Variants in CTPS1 observed in about 807,000 individuals in gnomAD.
CTPS1 encodes the protein CTP synthetase 1.
A neutral mutation model predicts 80.5 loss-of-function variants in CTPS1; 25 were observed. That is an observed-to-expected ratio of 0.31 (90% CI 0.23 to 0.43). CTPS1 has a LOEUF of 0.43. Ranked by LOEUF, CTPS1 falls within the 20% of genes least tolerant of loss-of-function variation. The pLI is 1.00. For missense variants in CTPS1, 442 were observed against 725.7 expected (o/e 0.61, Z 4.49); for synonymous variants, 267 against 252.5 (o/e 1.06, Z -0.54).
At chr1:40,984,742 T>C in intron 2 of CTPS1, 79 bp from the exon 3 acceptor site, 4 of 1,103,358 alleles carry the variant, frequency 3.6e-6, no homozygotes, top group Non-Finnish European at 1.2e-6. Context: ...TGTTAATGAG[T>C]GTTTTATTTC....
intron 5 of CTPS1, among the ~76,000 whole-genome samples, chr1:40,988,956 T>C (rs899820784): frequency 6.6e-6 from 1 of 152,244 alleles, no homozygotes; most frequent in Non-Finnish European, 1.5e-5. Flanking sequence ...TTGTCTTTAC[T>C]ATATGGTGGA....
At chr1:40,981,444 G>A (rs1313976711) in intron 1 of CTPS1, among the ~76,000 whole-genome samples, 7 of 152,226 alleles carry the variant, frequency 4.6e-5, no homozygotes, top group African/African-American at 1.7e-4. Context: ...CTCGGTGGCA[G>A]AGGAATTTCT....
chr1:40,987,365 T>C lies in CTPS1; in HGVS notation c.338-7T>C. On this transcript the variant is annotated splice_polypyrimidine_tract_variant and splice_region_variant and intron_variant, in intron 3 of 18. Coordinates refer to ENST00000650070, the MANE Select transcript of CTPS1 (RefSeq NM_001905.4). Reference sequence around the variant, plus strand: ...CGTAAGTTCCCTGTTTGTTTTCTTTTTCCCAGTTGTCCCTCATATCACAGA... The same window carrying C: ...CGTAAGTTCCCTGTTTGTTTTCTTTCTCCCAGTTGTCCCTCATATCACAGA... 6.2e-7 allele frequency: 1 copy of C among 1,607,976 alleles called. No individual in the cohort carries two copies. The highest frequency in any genetic ancestry group is 8.5e-7 in the Non-Finnish European group (1 of 1,174,460).
chr1:40,982,003 TTTCTGCTAC>T (rs1558126471), intron 1 of CTPS1: 1 of 1,288,998 alleles, frequency 7.8e-7, no homozygotes, highest in Admixed American at 2.3e-5. Flanking sequence ...AAGTAAGCAT[TTTCTGCTAC>T]TTTCTAATTG....
intron 1 of CTPS1, chr1:40,980,689 C>T (rs868738856): frequency 6.6e-6 from 1 of 152,322 alleles, no homozygotes. Context: ...TGTTGAATTT[C>T]TCTGATGCGT....
rs1643198007 is a variant in CTPS1, at chr1:41,012,461, T to C, written c.*813T>C. Reference sequence around the variant, plus strand: ...TTGAAAGGGCAATATGAAGTTACTTTCTTAATGTGACCTAGCAATAGGCAT... The same window carrying C: ...TTGAAAGGGCAATATGAAGTTACTTCCTTAATGTGACCTAGCAATAGGCAT... On this transcript the variant is annotated 3_prime_UTR_variant, in exon 19 of 19. Coordinates refer to ENST00000650070, the MANE Select transcript of CTPS1 (RefSeq NM_001905.4). 6.6e-6 allele frequency: 1 copy of C among 152,196 alleles called. No homozygotes were observed. The highest frequency in any genetic ancestry group is 6.5e-5 in the Admixed American group (1 of 15,278). 9.4% of individuals were successfully genotyped at this position (152,196 alleles called of 1,614,324 possible). A position where few individuals can be genotyped will look rare whatever the true frequency, so the allele number is the denominator to read the frequency against.
chr1:40,999,725 ATT>A (rs1003884579), intron 9 of CTPS1, among the ~76,000 whole-genome samples: 17 of 152,240 alleles, frequency 1.1e-4, no homozygotes, highest in Non-Finnish European at 2.5e-4. Flanking sequence ...ACAAAAAAAG[ATT>A]TTTATTCAAA....
chr1:41,004,901 G>A (rs2148415806), intron 12 of CTPS1, among the ~76,000 whole-genome samples: 2 of 152,154 alleles, frequency 1.3e-5, no homozygotes, highest in Middle Eastern at 6.8e-3. Flanking sequence ...GGCTGAGTTG[G>A]GTTAATCACT....
chr1:41,008,527 G>A, intron 14 of CTPS1, 132 bp from the exon 15 acceptor site: 1 of 891,048 alleles, frequency 1.1e-6, no homozygotes, highest in Non-Finnish European at 1.8e-6. Flanking sequence ...GACCTTAGCA[G>A]ATTCATAGAA....
intron 2 of CTPS1, among the ~76,000 whole-genome samples, 158 bp downstream of exon 2, chr1:40,983,614 G>A (rs918645832): frequency 6.2e-5 from 9 of 146,270 alleles, no homozygotes; most frequent in African/African-American, 2.3e-4. Context: ...GGAAGAAGCA[G>A]AATTCTTTTT....
At chr1:40,995,877 G>A in intron 7 of CTPS1, 40 bp from the exon 8 acceptor site, 2 of 1,599,290 alleles carry the variant, frequency 1.3e-6, no homozygotes, top group Non-Finnish European at 1.7e-6. Context: ...AGCCTGGTGA[G>A]TTTTTGCTTT....
At chr1:41,008,544 C>A in intron 14 of CTPS1, 115 bp from the exon 15 acceptor site, 1 of 1,113,206 alleles carries the variant, frequency 9.0e-7, no homozygotes, top group Non-Finnish European at 1.4e-6. Context: ...AGAAATAGCC[C>A]TCAAAAGACC....
chr1:41,004,576 CAGG>C (rs1344628426), intron 12 of CTPS1, among the ~76,000 whole-genome samples: 4 of 150,646 alleles, frequency 2.7e-5, no homozygotes, highest in African/African-American at 9.7e-5. Flanking sequence ...TGGTTCAGGC[CAGG>C]AGGAGAACAG....
At chr1:40,984,379 G>T (rs1642399900) in intron 2 of CTPS1, among the ~76,000 whole-genome samples, 1 of 152,254 alleles carries the variant, frequency 6.6e-6, no homozygotes, top group African/African-American at 2.4e-5. Context: ...GAGCTCGGAA[G>T]CTGATTTTTA....
chr1:40,991,668 C>A, intron 6 of CTPS1, 97 bp from the exon 7 acceptor site: 1 of 794,186 alleles, frequency 1.3e-6, no homozygotes. Context: ...TTTCGTTCAT[C>A]TTAACAATGT....
rs905318112 is a variant in CTPS1, at chr1:41,012,012, G to T, written c.*364G>T. On this transcript the variant is annotated 3_prime_UTR_variant, in exon 19 of 19. Coordinates refer to ENST00000650070, the MANE Select transcript of CTPS1 (RefSeq NM_001905.4). ...TCGCTTTCCCTTGGATACCTAGACC[G>T]TTATAAAGTGTGCCACATGGACTTA... is the stretch of plus-strand genomic sequence containing the variant. 3.9e-5 allele frequency: 6 copies of T among 152,170 alleles called. No individual in the cohort carries two copies. Among genetic ancestry groups the T allele is most frequent in the Admixed American group, 3.9e-4 (6 of 15,270 alleles). 9.4% of individuals were successfully genotyped at this position (152,170 alleles called of 1,614,324 possible). A position where few individuals can be genotyped will look rare whatever the true frequency, so the allele number is the denominator to read the frequency against.
At chr1:40,988,739 G>T in intron 5 of CTPS1, 29 bp downstream of exon 5, 1 of 1,469,644 alleles carries the variant, frequency 6.8e-7, no homozygotes, top group Non-Finnish European at 9.5e-7. Context: ...GTTTTACTTT[G>T]GGGGAGATGG....
intron 1 of CTPS1, 68 bp downstream of exon 1, chr1:40,979,897 G>GCCCGGCGCCGAATAGC (rs1419321324): frequency 6.6e-6 from 1 of 152,218 alleles, no homozygotes; most frequent in East Asian, 1.9e-4. Flanking sequence ...CGCGAGCTGA[G>GCCCGGCGCCGAATAGC]CCCGGCGCCG....
At position 40,985,001 on chromosome 1, in the gene CTPS1, G is replaced by T; in HGVS notation, c.337+10G>T. The stretch of plus-strand genomic sequence containing the variant: ...GGGAAAACTGTCCAAGGTAATACTG[G>T]ATTTACCTTTAAAGCTTAAAAGTCT... On this transcript the variant is annotated intron_variant, in intron 3 of 18. Transcript: ENST00000650070. 6.5e-7 allele frequency: 1 copy of T among 1,537,834 alleles called. No homozygotes were observed. Among genetic ancestry groups the T allele is most frequent in the Non-Finnish European group, 8.8e-7 (1 of 1,132,198 alleles).
Sources: gnomAD v4.1 joint callset for allele counts (sites outside exome capture counted in the v4.1 genomes callset) on GRCh38, gnomAD v4.1.1 for gene constraint, MANE v1.5 for transcripts, NCBI Gene and HGNC (gene_info 2026-07-23, HGNC 2026-07-21) for gene names.